DYDC2: variants seen among roughly 807,000 people sequenced by gnomAD.
The protein encoded by DYDC2 is DPY30 domain-containing protein 2.
DYDC2 carries 19 observed loss-of-function variants against 18.7 expected under a neutral mutation model. That is an observed-to-expected ratio of 1.02 (90% confidence interval 0.71 to 1.49). The LOEUF is 1.49. Ranked by LOEUF, DYDC2 falls within the 40% of genes most tolerant of loss-of-function variation. The pLI is 0.00. For missense variants in DYDC2, 179 were observed against 205.1 expected (o/e 0.87, Z 0.78); for synonymous variants, 63 against 67.6 (o/e 0.93, Z 0.34).
chr10:80,355,096 G>GA (rs79869965), upstream of DYDC2, among the ~76,000 whole-genome samples: 16,789 of 142,340 alleles, frequency 0.12, 1,114 homozygotes, highest in South Asian at 0.28. Flanking sequence ...TACATTTACT[G>GA]AAAAAAAAAA....
At chr10:80,363,503 C>A (rs1443224901) in intron 4 of DYDC2, among the ~76,000 whole-genome samples, 1 of 124,418 alleles carries the variant, frequency 8.0e-6, no homozygotes, top group African/African-American at 3.4e-5. Flanking sequence ...TGCCACCACG[C>A]CCGGCTAATT....
chr10:80,348,524 A>G (rs1476053598), intron 1 of DYDC2, among the ~76,000 whole-genome samples: 9 of 152,256 alleles, frequency 5.9e-5, no homozygotes, highest in Admixed American at 5.9e-4. Flanking sequence ...CTAGAACAGG[A>G]TATTAGATCT....
chr10:80,363,108 A>G, intron 4 of DYDC2, 35 bp downstream of exon 4: 1 of 1,593,238 alleles, frequency 6.3e-7, no homozygotes. Context: ...GTTGCCACAC[A>G]CATCCCAGTG....
upstream of DYDC2, among the ~76,000 whole-genome samples, chr10:80,353,359 T>G (rs2132844514): frequency 6.6e-6 from 1 of 151,714 alleles, no homozygotes; most frequent in East Asian, 2.0e-4. Context: ...AGACAGGGTT[T>G]CACTGTGTTA....
chr10:80,357,177 A>G (rs528855805), intron 1 of DYDC2, among the ~76,000 whole-genome samples: 203 of 127,274 alleles, frequency 1.6e-3, no homozygotes, highest in Admixed American at 4.7e-3. Context: ...ACGGGCAGAG[A>G]GGAGAGGGAA....
intron 4 of DYDC2, 134 bp from the exon 5 acceptor site, chr10:80,366,554 C>A: frequency 9.2e-7 from 1 of 1,091,968 alleles, no homozygotes; most frequent in Non-Finnish European, 1.3e-6. Flanking sequence ...TGGTTTTATG[C>A]TTTGTTAAAG....
At chr10:80,359,602 G>T (rs926607602) in intron 2 of DYDC2, among the ~76,000 whole-genome samples, 10 of 152,186 alleles carry the variant, frequency 6.6e-5, no homozygotes, top group Non-Finnish European at 1.3e-4. Context: ...TGCGGGGGAG[G>T]CTCGGGCATG....
upstream of DYDC2, among the ~76,000 whole-genome samples, chr10:80,353,378 G>GA (rs903374692): frequency 4.6e-5 from 7 of 151,512 alleles, no homozygotes; most frequent in Non-Finnish European, 7.4e-5. Context: ...TAGCTAGGAT[G>GA]GTCTCGATCT....
intron 2 of DYDC2, among the ~76,000 whole-genome samples, chr10:80,362,060 T>C (rs1018502421): frequency 1.3e-5 from 2 of 152,248 alleles, no homozygotes; most frequent in African/African-American, 4.8e-5. Flanking sequence ...AAGATAGATA[T>C]GGATATCTGT....
At chr10:80,352,519 TC>T, upstream of DYDC2, 1 of 1,613,676 alleles carries the variant, frequency 6.2e-7, no homozygotes, top group Non-Finnish European at 8.5e-7. Context: ...TTCTATCGGA[TC>T]CACTGGGCGA....
intron 3 of DYDC2, 24 bp downstream of exon 3, chr10:80,362,614 G>A (rs1843698203): frequency 1.3e-6 from 2 of 1,578,878 alleles, no homozygotes; most frequent in East Asian, 2.3e-5. Context: ...CTGGGACTTA[G>A]GGAGGGCCCA....
chr10:80,356,278 A>T, upstream of DYDC2: 1 of 985,590 alleles, frequency 1.0e-6, no homozygotes, highest in Non-Finnish European at 1.2e-6. Flanking sequence ...GCTCAACATA[A>T]GAAAGCCCTT....
rs1171266734 is a variant in DYDC2, at chr10:80,363,059, G to A, written c.256G>A (p.Glu86Lys). The change falls in exon 4 of 5, where the codon GAA becomes AAA. Residue 86 changes from glutamate (E) to lysine (K), a missense_variant. By Grantham distance (56) the Glu-to-Lys change is moderately conservative. Coordinates refer to ENST00000256039, the MANE Select transcript of DYDC2 (RefSeq NM_032372.6). Reference sequence around the variant, plus strand: ...AGAGTATCAGATTCAACAGAACTGTGAAAAGTGTCACAAGGTAGGGAGAAG... The same window carrying A: ...AGAGTATCAGATTCAACAGAACTGTAAAAAGTGTCACAAGGTAGGGAGAAG... ...QEEYQIQQNC[E>K]KCHKELTSET... is the part of the protein sequence containing the mutation. 6.2e-7 allele frequency: 1 copy of A among 1,613,100 alleles called. No homozygotes were observed. Among genetic ancestry groups the A allele is most frequent in the Non-Finnish European group, 8.5e-7 (1 of 1,179,676 alleles).
At chr10:80,359,515 G>T (rs4265545) in intron 2 of DYDC2, among the ~76,000 whole-genome samples, 114,536 of 151,826 alleles carry the variant, frequency 0.75, 44,090 homozygotes, top group East Asian at 0.97. Flanking sequence ...CAGCCCTTGG[G>T]CGGTCGATGG....
At position 80,349,009 on chromosome 10, in the gene DYDC2, A is replaced by G. The variant is rs561944859; in HGVS notation, c.-310+4194A>G. Among the ~76,000 whole-genome samples, 4 of 152,138 alleles carry G rather than the reference A, an allele frequency of 2.6e-5. No homozygotes were observed. In the South Asian group the frequency reaches 8.3e-4, roughly 32 times the overall value. On this transcript the variant is annotated intron_variant, in intron 1 of 4. Transcript: ENST00000372197. Reference sequence around the variant, plus strand: ...TGGGTTCGCGCCATTCTTCCCCCTCAGTCTCCTGAGTAGCTGGGACTACAG... The same window carrying G: ...TGGGTTCGCGCCATTCTTCCCCCTCGGTCTCCTGAGTAGCTGGGACTACAG...
intron 1 of DYDC2, among the ~76,000 whole-genome samples, chr10:80,347,238 G>T (rs1325054734): frequency 1.5e-5 from 2 of 131,548 alleles, no homozygotes; most frequent in Non-Finnish European, 3.3e-5. Flanking sequence ...TTGGAGAAAT[G>T]TCTATTTAGG....
At position 80,367,243 on chromosome 10, in the gene DYDC2, C is replaced by A; in HGVS notation, c.*292C>A. On this transcript the variant is annotated 3_prime_UTR_variant, in exon 5 of 5. Transcript: ENST00000256039. ...ACACATCTGTTGGGGTGATCAGACCCAACACCCGGCCATGGGGGCTACAAA... is the reference window on the plus strand; with the variant it reads ...ACACATCTGTTGGGGTGATCAGACCAAACACCCGGCCATGGGGGCTACAAA... 1 of 256,460 alleles carries A rather than the reference C, an allele frequency of 3.9e-6. No individual in the cohort carries two copies. Among genetic ancestry groups the A allele is most frequent in the South Asian group, 8.9e-5 (1 of 11,286 alleles). The allele number at this position is 256,460 out of a possible 1,614,324, so 15.9% of individuals were successfully genotyped here. A position where few individuals can be genotyped will look rare whatever the true frequency, so the allele number is the denominator to read the frequency against.
At chr10:80,353,832 A>C (rs554628336), upstream of DYDC2, among the ~76,000 whole-genome samples, 2 of 152,264 alleles carry the variant, frequency 1.3e-5, no homozygotes, top group African/African-American at 4.8e-5. Context: ...TGAAATCAAT[A>C]ATGATAATAT....
At chr10:80,355,106 A>G (rs1843279089), upstream of DYDC2, among the ~76,000 whole-genome samples, 1 of 151,730 alleles carries the variant, frequency 6.6e-6, no homozygotes, top group Admixed American at 6.6e-5. Flanking sequence ...GAAAAAAAAA[A>G]ACAGTAAAAT....
Sources: allele counts gnomAD v4.1 joint callset (sites outside exome capture counted in the v4.1 genomes callset), GRCh38; gene constraint gnomAD v4.1.1; transcripts MANE v1.5; gene names NCBI Gene and HGNC (gene_info 2026-07-23, HGNC 2026-07-21).